Variants in TRIM37 observed in about 807,000 individuals in gnomAD.
TRIM37 encodes the protein tripartite motif containing 37, also known as E3 ubiquitin-protein ligase TRIM37.
Under a neutral mutation model 129.8 loss-of-function variants are expected in TRIM37, and 80 were observed. That is an observed-to-expected ratio of 0.62 (90% CI 0.51 to 0.74). The LOEUF (loss-of-function observed/expected upper bound fraction) is 0.74. Among genes scored for constraint, TRIM37 ranks in the 30% least tolerant of loss-of-function variants. TRIM37 has a pLI of 0.00. For missense variants in TRIM37, 1,054 were observed against 1,176.5 expected (o/e 0.90, Z 1.52); for synonymous variants, 389 against 387.1 (o/e 1.00, Z -0.06).
the TRIM37 span, among the ~76,000 whole-genome samples, chr17:58,968,737 T>C: frequency 2.6e-5 from 4 of 152,242 alleles, no homozygotes; most frequent in Non-Finnish European, 5.9e-5. Flanking sequence ...GAGCAGATGA[T>C]AAAGCAGCAA....
chr17:59,021,908 C>G (rs1159065670), intron 19 of TRIM37, among the ~76,000 whole-genome samples: 1 of 151,386 alleles, frequency 6.6e-6, no homozygotes, highest in Non-Finnish European at 1.5e-5. Flanking sequence ...AATGTACCCA[C>G]AAAAATTAAA....
chr17:59,036,261 G>A (rs918350878), intron 17 of TRIM37, among the ~76,000 whole-genome samples: 2 of 152,090 alleles, frequency 1.3e-5, no homozygotes, highest in Non-Finnish European at 2.9e-5. Flanking sequence ...TTAGTTGGGC[G>A]TGGTAGCATC....
chr17:59,088,687 T>A (rs919467147), intron 3 of TRIM37, among the ~76,000 whole-genome samples: 4 of 152,004 alleles, frequency 2.6e-5, no homozygotes, highest in African/African-American at 9.7e-5. Context: ...CAGCTAATTT[T>A]AAAATTTTTT....
rs1367736965 is a variant in TRIM37, at chr17:59,106,540, C to T, written c.-79G>A. On this transcript the variant is annotated 5_prime_UTR_variant, in exon 1 of 24. Coordinates refer to ENST00000262294, the MANE Select transcript of TRIM37 (RefSeq NM_015294.6). ...CTCTTAGGCGCCGGCCCGAGGTCGCCAGATCAAATCGCCGATAAAAGCCCG... is the reference window on the plus strand; with the variant it reads ...CTCTTAGGCGCCGGCCCGAGGTCGCTAGATCAAATCGCCGATAAAAGCCCG... The T allele has an allele frequency of 6.4e-6, 10 of 1,568,408 alleles. No homozygotes were observed. Among genetic ancestry groups the T allele is most frequent in the Non-Finnish European group, 8.7e-6 (10 of 1,146,986 alleles).
At chr17:58,979,250 A>G (rs1443405205), downstream of TRIM37, among the ~76,000 whole-genome samples, 1 of 152,168 alleles carries the variant, frequency 6.6e-6, no homozygotes, top group African/African-American at 2.4e-5. Flanking sequence ...AATATAAGAG[A>G]AAAATGGCCA....
intron 17 of TRIM37, among the ~76,000 whole-genome samples, chr17:59,040,926 G>T (rs2039076016): frequency 6.6e-6 from 1 of 151,752 alleles, no homozygotes. Context: ...GGCGCCTGTA[G>T]TCCCAGCTAC....
chr17:59,082,475 C>A (rs1351616452), intron 5 of TRIM37, among the ~76,000 whole-genome samples: 1 of 152,076 alleles, frequency 6.6e-6, no homozygotes, highest in Non-Finnish European at 1.5e-5. Context: ...ATGTTCATCA[C>A]CAAATCCCTA....
chr17:59,028,752 C>T (rs1217579292), intron 18 of TRIM37, 29 bp from the exon 19 acceptor site: 2 of 1,609,832 alleles, frequency 1.2e-6, no homozygotes, highest in Non-Finnish European at 1.7e-6. Context: ...GTCATGTTAA[C>T]ATAAACGTTA....
intron 24 of TRIM37, among the ~76,000 whole-genome samples, chr17:58,990,169 A>G (rs1291062370): frequency 7.9e-6 from 1 of 127,386 alleles, no homozygotes; most frequent in Non-Finnish European, 1.6e-5. Context: ...ACAAAGCAAG[A>G]CCTTGTCTCA....
intron 24 of TRIM37, among the ~76,000 whole-genome samples, chr17:58,988,288 T>C (rs1238366021): frequency 6.6e-6 from 1 of 152,076 alleles, no homozygotes; most frequent in African/African-American, 2.4e-5. Flanking sequence ...TAAAGAGCCC[T>C]AAGAAGTGTC....
chr17:59,022,019 GC>G (rs1334041672), intron 19 of TRIM37, among the ~76,000 whole-genome samples: 34 of 152,192 alleles, frequency 2.2e-4, no homozygotes, highest in African/African-American at 8.2e-4. Context: ...TTTTATGAAT[GC>G]TTTTTATTAG....
intron 21 of TRIM37, 116 bp downstream of exon 21, chr17:59,015,494 G>A (rs1485520634): frequency 2.8e-6 from 3 of 1,063,228 alleles, no homozygotes; most frequent in African/African-American, 1.6e-5. Context: ...TGTATTTTCT[G>A]TCCACTAAAA....
chr17:59,021,285 G>A (rs186383666), intron 19 of TRIM37, among the ~76,000 whole-genome samples: 1 of 152,120 alleles, frequency 6.6e-6, no homozygotes, highest in Non-Finnish European at 1.5e-5. Context: ...GTCGCAGCTA[G>A]CTGGGAGGCC....
chr17:59,098,967 C>CCAGCACTTTGGG, intron 2 of TRIM37, among the ~76,000 whole-genome samples: 1 of 152,100 alleles, frequency 6.6e-6, no homozygotes, highest in African/African-American at 2.4e-5. Context: ...GGTGGATCAC[C>CCAGCACTTTGGG]AGGTCAAGAG....
intron 5 of TRIM37, among the ~76,000 whole-genome samples, chr17:59,081,781 C>G (rs907732858): frequency 6.6e-6 from 1 of 151,614 alleles, no homozygotes; most frequent in Non-Finnish European, 1.5e-5. Context: ...TTGGCGCACA[C>G]CTGTAATCCC....
At chr17:58,980,240 A>G, downstream of TRIM37, 2 of 1,614,228 alleles carry the variant, frequency 1.2e-6, no homozygotes, top group South Asian at 2.2e-5. The surrounding 1 kb of genome is among the most constrained non-coding windows in gnomAD (Gnocchi z 4.7). Context: ...GGACATGAAC[A>G]AAGCTGTAAA....
intron 22 of TRIM37, among the ~76,000 whole-genome samples, chr17:59,003,207 T>C (rs182657249): frequency 1.3e-5 from 2 of 152,280 alleles, no homozygotes; most frequent in East Asian, 3.9e-4. Flanking sequence ...AAGAACAGAC[T>C]AGAAAAATGT....
At chr17:59,006,569 G>C (rs150010334) in intron 22 of TRIM37, among the ~76,000 whole-genome samples, 1 of 152,114 alleles carries the variant, frequency 6.6e-6, no homozygotes, top group Non-Finnish European at 1.5e-5. Flanking sequence ...CATGTGGAAC[G>C]AGTTGGTGAG....
At chr17:59,089,206 A>G (rs765357208) in intron 3 of TRIM37, among the ~76,000 whole-genome samples, 3 of 152,210 alleles carry the variant, frequency 2.0e-5, no homozygotes, top group Non-Finnish European at 2.9e-5. Flanking sequence ...GTGAGCCAAG[A>G]TCATGCCTCT....
Sources: gnomAD v4.1 joint callset for allele counts (sites outside exome capture counted in the v4.1 genomes callset) on GRCh38, gnomAD v4.1.1 for gene constraint, Gnocchi (gnomAD v3.1) non-coding constraint, MANE v1.5 for transcripts, NCBI Gene and HGNC (gene_info 2026-07-23, HGNC 2026-07-21) for gene names.